The following AFAP1 variants were observed in gnomAD, a reference collection of about 807,000 sequenced individuals.
AFAP1 encodes actin filament associated protein 1.
In AFAP1, 75 loss-of-function variants were observed where a neutral mutation model predicts 93.9. That is an observed-to-expected ratio of 0.80 (90% CI 0.66 to 0.97). AFAP1 has a LOEUF of 0.97. Among genes scored for constraint, AFAP1 ranks in the 50% least tolerant of loss-of-function variants. The probability of loss-of-function intolerance (pLI) is 0.00; values close to 1 mark genes in which losing one functional copy is unlikely to be tolerated. For synonymous variants in AFAP1, 517 were observed against 430.7 expected, an observed-to-expected ratio of 1.20 and a Z score of -2.48; for missense variants, 1,201 against 1,050.8, an observed-to-expected ratio of 1.14 and a Z score of -1.98.
chr4:7,808,637 A>G lies in AFAP1; in HGVS notation c.1054+977T>C, dbSNP rs368150034. 1.4e-4 allele frequency among the ~76,000 whole-genome samples: 21 copies of G among 152,162 alleles called. No individual in the cohort carries two copies. In the South Asian group the frequency reaches 2.9e-3, roughly 21 times the overall value. On this transcript the variant is annotated intron_variant, in intron 9 of 17. Coordinates refer to ENST00000420658, the MANE Select transcript of AFAP1 (RefSeq NM_001134647.2). ...TGGTTCGGTCATTGGTATAGTTTGG[A>G]TATTTCTCCCCTCCAAATCTCATGT...
At chr4:7,911,226 C>T (rs1719705488) in intron 1 of AFAP1, among the ~76,000 whole-genome samples, 1 of 152,178 alleles carries the variant, frequency 6.6e-6, no homozygotes, top group Non-Finnish European at 1.5e-5. Context: ...CCCCCACTCC[C>T]TGCATTCCTG....
At chr4:7,875,441 T>G (rs1345099341) in intron 1 of AFAP1, among the ~76,000 whole-genome samples, 2 of 152,184 alleles carry the variant, frequency 1.3e-5, no homozygotes, top group African/African-American at 2.4e-5. Flanking sequence ...ATTTCTTGAT[T>G]CTAAGCAATC....
chr4:7,906,532 C>T (rs1036918378), intron 1 of AFAP1, among the ~76,000 whole-genome samples: 2 of 152,184 alleles, frequency 1.3e-5, no homozygotes, highest in African/African-American at 4.8e-5. Context: ...GCTTCGAGAG[C>T]CTCAGACAGC....
At chr4:7,834,456 T>G (rs1712033620) in intron 6 of AFAP1, among the ~76,000 whole-genome samples, 1 of 152,166 alleles carries the variant, frequency 6.6e-6, no homozygotes, top group Non-Finnish European at 1.5e-5. Context: ...GAATCAACAC[T>G]AAAGAACTTA....
At chr4:7,767,857 T>C (rs943862414) in intron 17 of AFAP1, among the ~76,000 whole-genome samples, 1 of 152,180 alleles carries the variant, frequency 6.6e-6, no homozygotes, top group African/African-American at 2.4e-5. Flanking sequence ...GAGGATCACT[T>C]GAGCCCAGGA....
intron 1 of AFAP1, among the ~76,000 whole-genome samples, chr4:7,895,268 G>C (rs1449204169): frequency 6.6e-6 from 1 of 152,236 alleles, no homozygotes; most frequent in Non-Finnish European, 1.5e-5. Context: ...AGGATCATCA[G>C]AGGCTTGTCG....
intron 3 of AFAP1, among the ~76,000 whole-genome samples, chr4:7,865,918 C>G (rs145417359): frequency 6.6e-6 from 1 of 152,192 alleles, no homozygotes; most frequent in African/African-American, 2.4e-5. Context: ...TTTTTTGAGA[C>G]GGAGTCTCGG....
At chr4:7,892,766 C>G (rs1036450084) in intron 1 of AFAP1, among the ~76,000 whole-genome samples, 1 of 152,000 alleles carries the variant, frequency 6.6e-6, no homozygotes, top group Non-Finnish European at 1.5e-5. Context: ...TATTCCATGA[C>G]GCATTTGAGA....
At chr4:7,834,019 A>C (rs1304344585) in intron 6 of AFAP1, among the ~76,000 whole-genome samples, 2 of 152,002 alleles carry the variant, frequency 1.3e-5, no homozygotes, top group Non-Finnish European at 2.9e-5. Context: ...ATAACAGCAC[A>C]ATCCACAATT....
chr4:7,807,983 T>C (rs1462576412), intron 9 of AFAP1, among the ~76,000 whole-genome samples: 1 of 152,242 alleles, frequency 6.6e-6, no homozygotes, highest in African/African-American at 2.4e-5. Flanking sequence ...TATAGCCCCA[T>C]TTAGGCGCTG....
At chr4:7,876,358 C>T (rs1717505002) in intron 1 of AFAP1, among the ~76,000 whole-genome samples, 1 of 152,230 alleles carries the variant, frequency 6.6e-6, no homozygotes, top group Non-Finnish European at 1.5e-5. Context: ...ACACTGCCTC[C>T]CACTACTAGG....
chr4:7,883,226 CAG>C (rs764447506), intron 1 of AFAP1, among the ~76,000 whole-genome samples: 27 of 138,208 alleles, frequency 2.0e-4, no homozygotes, highest in Admixed American at 1.5e-3. Context: ...GGAGGAAAGA[CAG>C]AAAGAAAATC....
At chr4:7,863,865 C>A (rs79447659) in intron 3 of AFAP1, among the ~76,000 whole-genome samples, 1 of 146,456 alleles carries the variant, frequency 6.8e-6, no homozygotes, top group Non-Finnish European at 1.5e-5. Flanking sequence ...TGCGGTTGTG[C>A]TTCAACGCAT....
At position 7,758,857 on chromosome 4, in the gene AFAP1, A is replaced by G. The variant is rs1340318319; in HGVS notation, c.*4908T>C. The G allele has an allele frequency of 1.3e-5, 2 of 152,244 alleles. No homozygotes were observed. Among genetic ancestry groups the G allele is most frequent in the Non-Finnish European group, 2.9e-5 (2 of 68,052 alleles). 9.4% of individuals were successfully genotyped at this position (152,244 alleles called of 1,614,324 possible). On this transcript the variant is annotated 3_prime_UTR_variant, in exon 18 of 18. Coordinates refer to ENST00000420658, the MANE Select transcript of AFAP1 (RefSeq NM_001134647.2). Reference sequence around the variant, plus strand: ...ACAAAGTGGGGCGAGTGGACTGAAAACTAGGATTTTCCTTGCAAGTTTCTT... The same window carrying G: ...ACAAAGTGGGGCGAGTGGACTGAAAGCTAGGATTTTCCTTGCAAGTTTCTT...
chr4:7,761,932 C>G lies in AFAP1; in HGVS notation c.*1833G>C, dbSNP rs1202947953. The stretch of plus-strand genomic sequence containing the variant: ...ATGTCCTAGTGGGAAGCTGGCGTCA[C>G]GGATGCTGGTGTGATGGGCCTCCAC... On this transcript the variant is annotated 3_prime_UTR_variant, in exon 18 of 18. Coordinates refer to ENST00000420658, the MANE Select transcript of AFAP1 (RefSeq NM_001134647.2). The G allele has an allele frequency of 1.3e-5, 2 of 152,388 alleles. No homozygotes were observed. The highest frequency in any genetic ancestry group is 2.9e-5 in the Non-Finnish European group (2 of 68,190). The allele number at this position is 152,388 out of a possible 1,614,324, so 9.4% of individuals were successfully genotyped here.
intron 11 of AFAP1, 61 bp downstream of exon 11, chr4:7,793,620 T>A: frequency 7.1e-7 from 1 of 1,401,538 alleles, no homozygotes; most frequent in Non-Finnish European, 9.4e-7. Context: ...TAAGTTAAGC[T>A]AAGTTAGGGA....
intron 1 of AFAP1, among the ~76,000 whole-genome samples, chr4:7,931,973 G>A (rs886365608): frequency 1.3e-5 from 2 of 152,038 alleles, no homozygotes; most frequent in Non-Finnish European, 2.9e-5. Context: ...CCATTCTCCT[G>A]CCTCAGCCTC....
chr4:7,882,517 C>G (rs957377140), intron 1 of AFAP1, among the ~76,000 whole-genome samples: 4 of 151,934 alleles, frequency 2.6e-5, no homozygotes, highest in African/African-American at 9.7e-5. Context: ...AAAATTTTAG[C>G]AAACAGAAGC....
intron 6 of AFAP1, among the ~76,000 whole-genome samples, chr4:7,831,947 G>A (rs191357820): frequency 6.6e-6 from 1 of 152,120 alleles, no homozygotes; most frequent in East Asian, 1.9e-4. Flanking sequence ...CTGTCAGATG[G>A]CCCAACACAG....
Sources: gnomAD v4.1 joint callset for allele counts (sites outside exome capture counted in the v4.1 genomes callset) on GRCh38, gnomAD v4.1.1 for gene constraint, MANE v1.5 for transcripts, NCBI Gene and HGNC (gene_info 2026-07-23, HGNC 2026-07-21) for gene names.